SAMMSON: variants seen among roughly 807,000 people sequenced by gnomAD.
SAMMSON encodes the protein survival associated mitochondrial melanoma specific oncogenic non-coding RNA, also known as long intergenic non-protein coding RNA 1212.
chr3:70,426,465 G>A (rs1256177799), intron 2 of SAMMSON, among the ~76,000 whole-genome samples: 2 of 152,180 alleles, frequency 1.3e-5, no homozygotes, highest in African/African-American at 4.8e-5. Flanking sequence ...TTCAAAGTAT[G>A]CAAGGATTCC....
chr3:70,211,906 T>TCCTTTGTCCTTTCCTTC (rs1701354897), intron 4 of SAMMSON, among the ~76,000 whole-genome samples: 1 of 151,450 alleles, frequency 6.6e-6, no homozygotes, highest in South Asian at 2.1e-4. Context: ...TCCTTTCCTT[T>TCCTTTGTCCTTTCCTTC]CCTTTGTCCT....
At chr3:70,069,935 G>A (rs1391395943) in intron 3 of SAMMSON, 1 of 152,016 alleles carries the variant, frequency 6.6e-6, no homozygotes, top group Non-Finnish European at 1.5e-5. Flanking sequence ...TCTTGATAAG[G>A]ACTTTGAAGA....
chr3:70,256,296 G>A (rs745942928), intron 6 of SAMMSON, among the ~76,000 whole-genome samples: 1 of 152,188 alleles, frequency 6.6e-6, no homozygotes, highest in Non-Finnish European at 1.5e-5. Flanking sequence ...GTCAGACAGA[G>A]AGAAATGTAC....
At chr3:70,373,938 G>A (rs376791188) in intron 9 of SAMMSON, among the ~76,000 whole-genome samples, 52 of 151,990 alleles carry the variant, frequency 3.4e-4, no homozygotes, top group African/African-American at 1.2e-3. Context: ...TATTGAGATG[G>A]AGCTTTGCTC....
intron 3 of SAMMSON, among the ~76,000 whole-genome samples, chr3:70,057,799 C>G (rs942233247): frequency 6.6e-6 from 1 of 151,866 alleles, no homozygotes; most frequent in Non-Finnish European, 1.5e-5. Context: ...ACATTTCATC[C>G]AAGATTTCAA....
At chr3:70,039,592 TTCACAC>T (rs1382824365) in intron 3 of SAMMSON, among the ~76,000 whole-genome samples, 15 of 90,184 alleles carry the variant, frequency 1.7e-4, no homozygotes, top group African/African-American at 6.3e-4. Context: ...AACACATCTC[TTCACAC>T]ACACACACAC....
At chr3:70,116,292 C>CTTTCT (rs558685403) in intron 4 of SAMMSON, among the ~76,000 whole-genome samples, 3 of 118,216 alleles carry the variant, frequency 2.5e-5, no homozygotes, top group African/African-American at 9.6e-5. Context: ...GCGATGCTTT[C>CTTTCT]TTTTTTTTTT....
intron 4 of SAMMSON, among the ~76,000 whole-genome samples, chr3:70,100,354 C>T (rs1036215397): frequency 1.3e-5 from 2 of 152,000 alleles, no homozygotes; most frequent in African/African-American, 4.8e-5. Flanking sequence ...CACTGTGTTG[C>T]TCAGGCTGGT....
chr3:70,222,283 C>T (rs1559538645), intron 4 of SAMMSON, among the ~76,000 whole-genome samples: 2 of 152,186 alleles, frequency 1.3e-5, no homozygotes, highest in Non-Finnish European at 1.5e-5. Context: ...CTCTTTGAAA[C>T]TTCAGGTCCT....
chr3:70,430,151 A>G (rs1701402315), intron 2 of SAMMSON, among the ~76,000 whole-genome samples: 1 of 152,100 alleles, frequency 6.6e-6, no homozygotes, highest in Non-Finnish European at 1.5e-5. Flanking sequence ...ATCAGTACCT[A>G]GTTTATTGAG....
intron 4 of SAMMSON, among the ~76,000 whole-genome samples, chr3:70,141,549 A>G (rs1392973454): frequency 6.7e-6 from 1 of 148,916 alleles, no homozygotes; most frequent in Non-Finnish European, 1.5e-5. Context: ...CCCAGAAATA[A>G]TATTTACCTG....
chr3:70,347,498 T>A (rs145431983), intron 7 of SAMMSON, among the ~76,000 whole-genome samples: 97 of 152,296 alleles, frequency 6.4e-4, no homozygotes, highest in African/African-American at 2.3e-3. Flanking sequence ...CCCGAGGAAG[T>A]ATATGCTATG....
chr3:70,177,137 C>A (rs143574437), intron 4 of SAMMSON, among the ~76,000 whole-genome samples: 33 of 152,280 alleles, frequency 2.2e-4, no homozygotes, highest in Non-Finnish European at 4.3e-4. Context: ...TCTATTTGTT[C>A]TCAGTGAAAG....
intron 9 of SAMMSON, among the ~76,000 whole-genome samples, chr3:70,376,362 TATAAATGCC>T (rs1315289943): frequency 3.3e-5 from 5 of 152,214 alleles, no homozygotes; most frequent in African/African-American, 1.2e-4. Context: ...GGAATGAAGT[TATAAATGCC>T]ATATACACTA....
At chr3:70,105,430 A>C (rs539746965) in intron 4 of SAMMSON, among the ~76,000 whole-genome samples, 1 of 152,238 alleles carries the variant, frequency 6.6e-6, no homozygotes, top group East Asian at 1.9e-4. Context: ...TTATTTGGGA[A>C]TTGAATATTT....
chr3:70,209,802 G>T (rs1166636995), intron 4 of SAMMSON, among the ~76,000 whole-genome samples: 2 of 151,978 alleles, frequency 1.3e-5, no homozygotes, highest in African/African-American at 2.4e-5. Context: ...GCCCAAAATC[G>T]AGCCTTGCAA....
intron 3 of SAMMSON, among the ~76,000 whole-genome samples, chr3:70,031,096 T>A: frequency 6.6e-6 from 1 of 152,058 alleles, no homozygotes; most frequent in East Asian, 1.9e-4. Flanking sequence ...TGTAAAAAGG[T>A]TGATGGCAAC....
At chr3:70,015,623 G>T (rs975736529) in intron 3 of SAMMSON, among the ~76,000 whole-genome samples, 4 of 152,018 alleles carry the variant, frequency 2.6e-5, no homozygotes, top group African/African-American at 9.7e-5. Flanking sequence ...GTGCAGGTTT[G>T]TTACATATGT....
chr3:70,411,413 G>A (rs992799836), intron 2 of SAMMSON, among the ~76,000 whole-genome samples: 1 of 152,164 alleles, frequency 6.6e-6, no homozygotes, highest in Admixed American at 6.5e-5. Flanking sequence ...CAGCAACATA[G>A]TTAGGTGAGA....
Sources: allele counts gnomAD v4.1 joint callset (sites outside exome capture counted in the v4.1 genomes callset), GRCh38; gene constraint gnomAD v4.1.1; transcripts MANE v1.5; gene names NCBI Gene and HGNC (gene_info 2026-07-23, HGNC 2026-07-21).